PHEX: variants seen among roughly 807,000 people sequenced by gnomAD.
PHEX encodes the protein phosphate-regulating neutral endopeptidase PHEX.
In PHEX, 16 loss-of-function variants were observed where a neutral mutation model predicts 68.0. The ratio of observed to expected loss-of-function variants is 0.24; its 90% CI spans 0.16 to 0.36. PHEX has a LOEUF of 0.36. Ranked by LOEUF, PHEX falls within the 10% of genes least tolerant of loss-of-function variation. PHEX has a pLI of 1.00. For synonymous variants in PHEX, 208 were observed against 205.1 expected, an observed-to-expected ratio of 1.01 and a Z score of -0.12; for missense variants, 480 against 575.5, an observed-to-expected ratio of 0.83 and a Z score of 1.70.
At chrX:22,086,303 T>C (rs1929626239) in intron 5 of PHEX, among the ~76,000 whole-genome samples, 1 of 111,858 alleles carries the variant, frequency 8.9e-6, no homozygotes, top group South Asian at 3.7e-4. Context: ...GGTATGGTAG[T>C]CCCACCTCCC....
intron 18 of PHEX, among the ~76,000 whole-genome samples, chrX:22,224,972 T>A (rs957019484): frequency 1.8e-5 from 2 of 113,363 alleles, no homozygotes; most frequent in Non-Finnish European, 1.9e-5. Flanking sequence ...CTGTATGATT[T>A]ATTATCATAC....
chrX:22,171,895 G>C (rs1329924695), intron 13 of PHEX: 1 of 112,000 alleles, frequency 8.9e-6, no homozygotes, highest in Non-Finnish European at 1.9e-5. Context: ...GAGACAGGTG[G>C]AGATATGATT....
intron 1 of PHEX, among the ~76,000 whole-genome samples, chrX:22,037,277 G>A (rs1423924268): frequency 9.0e-6 from 1 of 110,528 alleles, no homozygotes. Context: ...CGCCACACTG[G>A]GTAGTAATCT....
At chrX:22,189,356 G>C (rs750881072) in intron 14 of PHEX, among the ~76,000 whole-genome samples, 27 of 112,237 alleles carry the variant, frequency 2.4e-4, no homozygotes, top group Non-Finnish European at 3.0e-4. Context: ...CCAAATTGGA[G>C]AAGCATAACT....
intron 3 of PHEX, among the ~76,000 whole-genome samples, chrX:22,050,503 G>A (rs190122141): frequency 4.7e-5 from 5 of 106,784 alleles, no homozygotes; most frequent in Non-Finnish European, 5.8e-5. Context: ...CCCAGGAGGC[G>A]GAGGTTGCAG....
At chrX:22,186,389 TC>T (rs1934035628) in intron 14 of PHEX, among the ~76,000 whole-genome samples, 1 of 112,336 alleles carries the variant, frequency 8.9e-6, no homozygotes, top group Non-Finnish European at 1.9e-5. Flanking sequence ...TAACCCATAA[TC>T]AAGGGGAGAG....
At chrX:22,033,212 G>T (rs1363111847) in intron 1 of PHEX, 89 bp downstream of exon 1, 1 of 635,441 alleles carries the variant, frequency 1.6e-6, no homozygotes, top group South Asian at 2.2e-5. Flanking sequence ...CATAACACAG[G>T]TATAGGGCTG....
Position 22,249,455 on chromosome X carries a change from A to AATATATATATATATAT in PHEX, c.*1519_*1534dup, listed in dbSNP as rs1198426834. 4.8e-4 allele frequency: 19 copies of AATATATATATATATAT among 39,747 alleles called. No homozygotes were observed. Among genetic ancestry groups the AATATATATATATATAT allele is most frequent in the African/African-American group, 6.7e-4 (4 of 6,013 alleles). The allele number at this position is 39,747 out of a possible 1,213,427, so 3.3% of individuals were successfully genotyped here. A position where few individuals can be genotyped will look rare whatever the true frequency, so the allele number is the denominator to read the frequency against. On this transcript the variant is annotated 3_prime_UTR_variant, in exon 22 of 22. Coordinates refer to ENST00000379374, the MANE Select transcript of PHEX (RefSeq NM_000444.6). Reference sequence around the variant, plus strand: ...TTGTGATTCTTTTAAAAAAAAAAAAAATATATATATATATATATATATATA... The same window carrying AATATATATATATATAT: ...TTGTGATTCTTTTAAAAAAAAAAAAAATATATATATATATATATATATATATATATATATATATATA...
intron 5 of PHEX, among the ~76,000 whole-genome samples, chrX:22,089,747 A>T (rs1929794584): frequency 8.9e-6 from 1 of 112,052 alleles, no homozygotes; most frequent in African/African-American, 3.2e-5. Context: ...TAATTCAAGA[A>T]TTTATACTAT....
Position 22,077,557 on chromosome X carries a change from A to C in PHEX, c.518A>C (p.Asn173Thr), listed in dbSNP as rs777607846. The change falls in exon 5 of 22, where the codon AAT becomes ACT. Residue 173 changes from asparagine to threonine, a missense_variant. Coordinates refer to ENST00000379374, the MANE Select transcript of PHEX (RefSeq NM_000444.6). ...TTCCGCTGGCCCGTGCTTGAATCTA[A>C]TATTGGCCCTGAAGGGGTTTGGTCA... ...SPFRWPVLES[N>T]IGPEGVWSER... is the part of the protein sequence containing the mutation. The C allele has an allele frequency of 8.3e-7, 1 of 1,211,534 alleles. No homozygotes were observed. Among genetic ancestry groups the C allele is most frequent in the Non-Finnish European group, 1.1e-6 (1 of 895,214 alleles).
At chrX:22,090,625 A>C in intron 6 of PHEX, 128 bp downstream of exon 6, 2 of 521,221 alleles carry the variant, frequency 3.8e-6, no homozygotes, top group South Asian at 5.0e-5. Flanking sequence ...CCAATGCAGG[A>C]AGACTTTTAT....
intron 14 of PHEX, among the ~76,000 whole-genome samples, chrX:22,185,772 T>C (rs1226047533): frequency 1.0e-5 from 1 of 98,194 alleles, no homozygotes; most frequent in Non-Finnish European, 2.1e-5. Flanking sequence ...TTTTTTTTTT[T>C]TGGACACAGA....
intron 20 of PHEX, among the ~76,000 whole-genome samples, chrX:22,242,150 C>T (rs1182101192): frequency 1.8e-5 from 2 of 111,236 alleles, no homozygotes; most frequent in African/African-American, 6.5e-5. Flanking sequence ...CATAATCCAT[C>T]ACATACACAG....
At chrX:22,067,494 C>T (rs1928662983) in intron 3 of PHEX, among the ~76,000 whole-genome samples, 1 of 111,381 alleles carries the variant, frequency 9.0e-6, no homozygotes. Flanking sequence ...TAGTGTCCTC[C>T]TTGAAGAATG....
At chrX:22,150,876 G>A (rs1020630202) in intron 12 of PHEX, among the ~76,000 whole-genome samples, 1 of 112,355 alleles carries the variant, frequency 8.9e-6, no homozygotes, top group African/African-American at 3.2e-5. Flanking sequence ...CTTGAATATA[G>A]GTGGCCTTTC....
At chrX:22,152,575 C>T (rs901259433) in intron 12 of PHEX, among the ~76,000 whole-genome samples, 8 of 111,647 alleles carry the variant, frequency 7.2e-5, no homozygotes, top group Non-Finnish European at 1.5e-4. Flanking sequence ...GTCTTCACTC[C>T]GTCTAAACAC....
At chrX:22,182,759 A>C (rs964683105) in intron 14 of PHEX, among the ~76,000 whole-genome samples, 17 of 110,748 alleles carry the variant, frequency 1.5e-4, no homozygotes, top group African/African-American at 5.3e-4. Context: ...CCCCCAGTTG[A>C]GTCTACCCAC....
intron 3 of PHEX, among the ~76,000 whole-genome samples, chrX:22,054,259 C>A (rs977340680): frequency 3.6e-5 from 4 of 111,302 alleles, no homozygotes; most frequent in African/African-American, 1.3e-4. Context: ...CTTGGCCTCC[C>A]TAGTAGCTGG....
chrX:22,064,817 C>T (rs769302472), intron 3 of PHEX, among the ~76,000 whole-genome samples: 5 of 111,727 alleles, frequency 4.5e-5, no homozygotes, highest in African/African-American at 1.6e-4. Context: ...ATTTTTTTCC[C>T]CTTAATTTGT....
Sources: allele counts gnomAD v4.1 joint callset (sites outside exome capture counted in the v4.1 genomes callset), GRCh38; gene constraint gnomAD v4.1.1; transcripts MANE v1.5; gene names NCBI Gene and HGNC (gene_info 2026-07-23, HGNC 2026-07-21).